KLK12: variants seen among roughly 807,000 people sequenced by gnomAD.
KLK12 encodes the protein kallikrein related peptidase 12.
A neutral mutation model predicts 20.0 loss-of-function variants in KLK12; 23 were observed. The ratio of observed to expected loss-of-function variants is 1.15; its 90% CI spans 0.83 to 1.63. KLK12 has a LOEUF of 1.63. KLK12 is among the 40% of genes most tolerant of loss of function. The pLI is 0.00. For synonymous variants in KLK12, 147 were observed against 141.9 expected (o/e 1.04, Z -0.25); for missense variants, 351 against 338.6 (o/e 1.04, Z -0.29).
Position 51,030,815 on chromosome 19 carries a change from G to A in KLK12, c.564C>T (p.Gly188=), listed in dbSNP as rs145723658. The A allele has an allele frequency of 5.0e-6, 8 of 1,613,844 alleles. No individual in the cohort carries two copies. In the African/African-American group the frequency reaches 9.3e-5, roughly 19 times the overall value. Residue 188 remains glycine, a synonymous_variant, in exon 5 of 6, where the codon GGC becomes GGT. Transcript: ENST00000684732. Reference sequence around the variant, plus strand: ...GGCAGGCATCCTGCCCCGGGACGCCGCCTGCACACACCATGTTGCTCGTGA... The same window carrying A: ...GGCAGGCATCCTGCCCCGGGACGCCACCTGCACACACCATGTTGCTCGTGA... ...GRITSNMVCA[G]GVPGQDACQG...
At chr19:51,033,089 G>A (rs1186870316) in intron 3 of KLK12, among the ~76,000 whole-genome samples, 1 of 151,412 alleles carries the variant, frequency 6.6e-6, no homozygotes, top group Non-Finnish European at 1.5e-5. Flanking sequence ...GGTGGCGCAG[G>A]CCTGTAGTCT....
intron 3 of KLK12, among the ~76,000 whole-genome samples, chr19:51,032,811 TG>T (rs2091572834): frequency 6.6e-6 from 1 of 152,044 alleles, no homozygotes; most frequent in Admixed American, 6.6e-5. Flanking sequence ...CGTGGACGAG[TG>T]GGTTCATGAT....
At chr19:51,033,606 A>G (rs1046128797) in intron 3 of KLK12, among the ~76,000 whole-genome samples, 1 of 152,118 alleles carries the variant, frequency 6.6e-6, no homozygotes, top group Non-Finnish European at 1.5e-5. Context: ...ACAGAGCGAG[A>G]CCCTGTCTCA....
chr19:51,030,542 G>A (rs932665077), intron 5 of KLK12, among the ~76,000 whole-genome samples: 22 of 152,018 alleles, frequency 1.4e-4, no homozygotes, highest in African/African-American at 4.8e-4. Flanking sequence ...TAGATTCAGA[G>A]TCTCACCGTG....
At chr19:51,030,717 C>T in intron 5 of KLK12, 71 bp downstream of exon 5, 1 of 1,591,440 alleles carries the variant, frequency 6.3e-7, no homozygotes, top group Non-Finnish European at 8.6e-7. Context: ...CCATCAGTTC[C>T]CCTCCTGCTT....
At chr19:51,031,636 T>G in intron 4 of KLK12, 2 of 514,436 alleles carry the variant, frequency 3.9e-6, no homozygotes, top group South Asian at 4.1e-5. Flanking sequence ...TGTGATGACC[T>G]CTGACACACT....
Position 51,030,847 on chromosome 19 carries a change from C to T in KLK12, c.532G>A (p.Gly178Arg), listed in dbSNP as rs772669730. The change falls in exon 5 of 6, where the codon GGG (glycine) becomes AGG (arginine). Residue 178 changes from glycine to arginine, a missense_variant. Gly to Arg is a moderately radical substitution (Grantham distance 125). Transcript: ENST00000684732. ...SHATCHGVYPGRITSNMVCAG... is the reference protein window; with the variant it reads ...SHATCHGVYPRRITSNMVCAG... ...CACACCATGTTGCTCGTGATTCTCC[C>T]GGGATACACACCATGGCAGGTGGCA... The T allele has an allele frequency of 1.5e-5, 25 of 1,614,144 alleles. No homozygotes were observed. Among genetic ancestry groups the T allele is most frequent in the Admixed American group, 1.5e-4 (9 of 60,018 alleles).
rs1235994259 is a variant in KLK12, at chr19:51,030,823, A to T, written c.556T>A (p.Cys186Ser). Residue 186 changes from cysteine to serine, a missense_variant, in exon 5 of 6, where the codon TGT becomes AGT. Coordinates refer to ENST00000684732, the MANE Select transcript of KLK12 (RefSeq NM_001370125.1). The part of the protein sequence containing the change: ...YPGRITSNMV[C>S]AGGVPGQDAC... ...TCCTGCCCCGGGACGCCGCCTGCAC[A>T]CACCATGTTGCTCGTGATTCTCCCG... 3 of 1,614,016 alleles carry T rather than the reference A, an allele frequency of 1.9e-6. No individual in the cohort carries two copies. Among genetic ancestry groups the T allele is most frequent in the Non-Finnish European group, 2.5e-6 (3 of 1,179,994 alleles).
intron 5 of KLK12, among the ~76,000 whole-genome samples, chr19:51,030,512 G>A (rs1185521156): frequency 6.6e-6 from 1 of 151,682 alleles, no homozygotes; most frequent in African/African-American, 2.4e-5. Context: ...ACCACCCCCG[G>A]CTAATTCTGG....
chr19:51,034,549 G>T (rs375581488), intron 2 of KLK12, 36 bp downstream of exon 2: 1 of 1,603,450 alleles, frequency 6.2e-7, no homozygotes, highest in South Asian at 1.1e-5. Flanking sequence ...GGATCCAGTC[G>T]CAGTCCTGCC....
In KLK12 at chr19:51,034,003, G is replaced by A; in HGVS notation, c.174C>T (p.Leu58=). ...ACCTGCCGCTGCAGTGAGCCGCTGT[G>A]AGGACCCACCTGTGGTCAATAAGGA... ...GGVLIDHRWV[L]TAAHCSGSRY... The change falls in exon 3 of 6, where the codon CTC becomes CTT. Residue 58 remains leucine (L), a synonymous_variant. Coordinates refer to ENST00000684732, the MANE Select transcript of KLK12 (RefSeq NM_001370125.1). 1.2e-6 allele frequency: 2 copies of A among 1,611,698 alleles called. No individual in the cohort carries two copies. Among genetic ancestry groups the A allele is most frequent in the Non-Finnish European group, 1.7e-6 (2 of 1,179,298 alleles).
rs2091525049 is a variant in KLK12, at chr19:51,029,276, G to C, written c.*26C>G. ...GCCAGAGGGGTACCCAAGTTAAGGG[G>C]TGGGGGTGGAGGTGGAGGAAACAGG... On this transcript the variant is annotated 3_prime_UTR_variant, in exon 6 of 6. Transcript: ENST00000684732. 1 of 1,613,914 alleles carries C rather than the reference G, an allele frequency of 6.2e-7. No individual in the cohort carries two copies. The highest frequency in any genetic ancestry group is 8.5e-7 in the Non-Finnish European group (1 of 1,179,964).
intron 4 of KLK12, among the ~76,000 whole-genome samples, 186 bp from the exon 5 acceptor site, chr19:51,031,107 T>C (rs954114127): frequency 6.6e-6 from 1 of 152,198 alleles, no homozygotes; most frequent in Non-Finnish European, 1.5e-5. Flanking sequence ...CCCCAGATGA[T>C]TGACGGTCTC....
At chr19:51,031,808 G>T in intron 4 of KLK12, 68 bp downstream of exon 4, 1 of 1,531,250 alleles carries the variant, frequency 6.5e-7, no homozygotes, top group South Asian at 1.1e-5. Flanking sequence ...GTCATGATTC[G>T]ACCTCTCGCC....
rs373294517 is a variant in KLK12, at chr19:51,034,037, C to G, written c.140G>C (p.Cys47Ser). ...VGLFEGTSLR[C>S]GGVLIDHRWV... ...CCTGTGGTCAATAAGGACACCCCCG[C>G]AGCGCAGGCTGGTGCCCTCAAACAG... is the stretch of plus-strand genomic sequence containing the variant. The change falls in exon 3 of 6, where the codon TGC becomes TCC. Residue 47 changes from cysteine (C) to serine (S), a missense_variant. Coordinates refer to ENST00000684732, the MANE Select transcript of KLK12 (RefSeq NM_001370125.1). 8.2e-5 allele frequency: 132 copies of G among 1,602,360 alleles called. No homozygotes were observed. Among genetic ancestry groups the G allele is most frequent in the Non-Finnish European group, 1.0e-4 (118 of 1,174,682 alleles).
At chr19:51,034,504 G>T (rs1318430690) in intron 2 of KLK12, 81 bp downstream of exon 2, 1 of 1,564,420 alleles carries the variant, frequency 6.4e-7, no homozygotes, top group Non-Finnish European at 8.7e-7. Flanking sequence ...GAGCTGAGAT[G>T]GGGAGGGTGG....
chr19:51,031,777 T>C, intron 4 of KLK12, 99 bp downstream of exon 4: 1 of 1,311,326 alleles, frequency 7.6e-7, no homozygotes, highest in Non-Finnish European at 1.1e-6. Flanking sequence ...CCTGACCCTT[T>C]ACCCATCCTT....
chr19:51,029,929 TG>T (rs2091538052), intron 5 of KLK12: 1 of 180,672 alleles, frequency 5.5e-6, no homozygotes, highest in Non-Finnish European at 1.2e-5. Context: ...CCTGGGGTTC[TG>T]ACCAATGAGG....
rs2091595669 is a variant in KLK12 at position 51,034,793 on chromosome 19, A to G, written c.-20+13T>C. On this transcript the variant is annotated intron_variant, in intron 1 of 5. Coordinates refer to ENST00000684732, the MANE Select transcript of KLK12 (RefSeq NM_001370125.1). ...GTCACTCCCTCATTGGCAGTCGCCTACCTCCTTCTCACCTTGTCTCTTTGT... is the reference window on the plus strand; with the variant it reads ...GTCACTCCCTCATTGGCAGTCGCCTGCCTCCTTCTCACCTTGTCTCTTTGT... 6.7e-7 allele frequency: 1 copy of G among 1,481,722 alleles called. No homozygotes were observed. Among genetic ancestry groups the G allele is most frequent in the South Asian group, 1.4e-5 (1 of 73,532 alleles). The allele number at this position is 1,481,722 out of a possible 1,614,324, so 91.8% of individuals were successfully genotyped here. A position where few individuals can be genotyped will look rare whatever the true frequency, so the allele number is the denominator to read the frequency against.
Sources: allele counts gnomAD v4.1 joint callset (sites outside exome capture counted in the v4.1 genomes callset), GRCh38; gene constraint gnomAD v4.1.1; transcripts MANE v1.5; gene names NCBI Gene and HGNC (gene_info 2026-07-23, HGNC 2026-07-21).